The following TBC1D22A variants were observed in gnomAD, a reference collection of about 807,000 sequenced individuals.
The protein encoded by TBC1D22A is TBC1 domain family member 22A.
A neutral mutation model predicts 60.2 loss-of-function variants in TBC1D22A; 38 were observed. The observed-to-expected ratio is 0.63, with a 90% CI of 0.49 to 0.83. The LOEUF (loss-of-function observed/expected upper bound fraction) is 0.83. Ranked by LOEUF, TBC1D22A falls within the 40% of genes least tolerant of loss-of-function variation. The pLI is 0.00. For synonymous variants in TBC1D22A, 302 were observed against 281.7 expected (o/e 1.07, Z -0.72); for missense variants, 628 against 701.0 (o/e 0.90, Z 1.18).
chr22:47,099,441 T>C (rs1395940738), intron 11 of TBC1D22A, among the ~76,000 whole-genome samples: 5 of 149,474 alleles, frequency 3.3e-5, no homozygotes, highest in African/African-American at 1.2e-4. Flanking sequence ...CTTTCTTTTT[T>C]CTTTTGTTGT....
At chr22:47,047,795 C>T (rs541296150) in intron 11 of TBC1D22A, among the ~76,000 whole-genome samples, 5 of 152,226 alleles carry the variant, frequency 3.3e-5, no homozygotes, top group Admixed American at 6.5e-5. Flanking sequence ...GGCAAGGCCT[C>T]GAGGCTGTGC....
At chr22:47,071,217 A>G (rs1380093742) in intron 11 of TBC1D22A, among the ~76,000 whole-genome samples, 4 of 152,250 alleles carry the variant, frequency 2.6e-5, no homozygotes, top group African/African-American at 4.8e-5. Flanking sequence ...ACATGCGCCT[A>G]TCACTGTCAT....
chr22:46,928,285 A>C (rs2071163586), intron 8 of TBC1D22A, among the ~76,000 whole-genome samples: 1 of 152,246 alleles, frequency 6.6e-6, no homozygotes, highest in Admixed American at 6.5e-5. Flanking sequence ...ATTTATGGTC[A>C]ATTGATTTCT....
intron 4 of TBC1D22A, among the ~76,000 whole-genome samples, chr22:46,854,299 C>T (rs138696621): frequency 6.6e-6 from 1 of 152,260 alleles, no homozygotes; most frequent in East Asian, 1.9e-4. Flanking sequence ...GAACTGCTCT[C>T]CAGGATGACA....
chr22:46,860,765 C>G (rs955662433), intron 4 of TBC1D22A, among the ~76,000 whole-genome samples: 1 of 152,176 alleles, frequency 6.6e-6, no homozygotes. Flanking sequence ...CTGAGGAGAT[C>G]CTGCTGCCAG....
chr22:47,033,309 T>A (rs1259823939), intron 10 of TBC1D22A, among the ~76,000 whole-genome samples: 1 of 152,216 alleles, frequency 6.6e-6, no homozygotes, highest in Non-Finnish European at 1.5e-5. Context: ...TTCTGTAAGT[T>A]CTTTGAAAAG....
At chr22:46,816,953 G>T (rs1000312945) in intron 4 of TBC1D22A, among the ~76,000 whole-genome samples, 1 of 152,096 alleles carries the variant, frequency 6.6e-6, no homozygotes, top group Non-Finnish European at 1.5e-5. Context: ...TTCTCTCAGT[G>T]TCCTTTTCAC....
chr22:47,005,637 TACAC>T (rs373781281), intron 10 of TBC1D22A, among the ~76,000 whole-genome samples: 4 of 147,214 alleles, frequency 2.7e-5, no homozygotes, highest in African/African-American at 7.6e-5. Context: ...AACATGCCTG[TACAC>T]ACACACACAC....
chr22:47,091,864 G>A (rs912127784), intron 11 of TBC1D22A, among the ~76,000 whole-genome samples: 7 of 152,316 alleles, frequency 4.6e-5, no homozygotes, highest in East Asian at 1.9e-4. Flanking sequence ...TTAACACACC[G>A]TAGGCTTCAC....
At chr22:47,038,724 G>A (rs1010788096) in intron 11 of TBC1D22A, among the ~76,000 whole-genome samples, 2 of 152,154 alleles carry the variant, frequency 1.3e-5, no homozygotes, top group Non-Finnish European at 2.9e-5. Flanking sequence ...TTTCCTTTGC[G>A]CCGCTTGTCT....
chr22:46,997,777 C>A, intron 10 of TBC1D22A, 68 bp downstream of exon 10: 1 of 1,470,786 alleles, frequency 6.8e-7, no homozygotes, highest in Non-Finnish European at 9.5e-7. Flanking sequence ...CTCGGTGGGA[C>A]AGGGAGCTGT....
chr22:47,072,009 C>T (rs963857580), intron 11 of TBC1D22A, among the ~76,000 whole-genome samples: 2 of 152,114 alleles, frequency 1.3e-5, no homozygotes, highest in Non-Finnish European at 2.9e-5. Context: ...TTGGTCTTTA[C>T]GAGTGTTATT....
At chr22:47,122,779 C>T (rs60532578) in intron 12 of TBC1D22A, among the ~76,000 whole-genome samples, 3,056 of 152,312 alleles carry the variant, frequency 0.02, 109 homozygotes, top group African/African-American at 0.07. Flanking sequence ...AGGCATCCCT[C>T]CTCACCCGTC....
chr22:46,876,285 T>A (rs1427752845), intron 4 of TBC1D22A, among the ~76,000 whole-genome samples: 1 of 152,210 alleles, frequency 6.6e-6, no homozygotes, highest in Non-Finnish European at 1.5e-5. Flanking sequence ...ATAATTTAGA[T>A]AAACTTACTT....
intron 11 of TBC1D22A, among the ~76,000 whole-genome samples, chr22:47,054,405 G>C (rs1227481353): frequency 6.6e-6 from 1 of 152,140 alleles, no homozygotes; most frequent in Non-Finnish European, 1.5e-5. Flanking sequence ...GGTTTTGCCT[G>C]GCCGTTCCTC....
intron 4 of TBC1D22A, among the ~76,000 whole-genome samples, chr22:46,861,177 C>G (rs1455211256): frequency 2.0e-5 from 3 of 152,050 alleles, no homozygotes; most frequent in Non-Finnish European, 4.4e-5. Flanking sequence ...AGGTTGGTCT[C>G]AAACTCCTGG....
intron 9 of TBC1D22A, among the ~76,000 whole-genome samples, chr22:46,974,600 C>A (rs136112): frequency 0.22 from 33,396 of 152,228 alleles, 4,323 homozygotes; most frequent in East Asian, 0.33. Context: ...GTTCTGGGCA[C>A]GGTCACGTGT....
intron 5 of TBC1D22A, among the ~76,000 whole-genome samples, chr22:46,881,004 A>C (rs900942067): frequency 6.6e-6 from 1 of 152,028 alleles, no homozygotes; most frequent in Non-Finnish European, 1.5e-5. Flanking sequence ...AAGTGTTGTT[A>C]GTGTTCTCTC....
At chr22:47,132,033 G>A (rs952802280) in intron 12 of TBC1D22A, among the ~76,000 whole-genome samples, 8 of 152,300 alleles carry the variant, frequency 5.3e-5, no homozygotes, top group African/African-American at 1.9e-4. Context: ...GCATGGCAAG[G>A]GTGCAGTGTG....
Sources: allele counts gnomAD v4.1 joint callset (sites outside exome capture counted in the v4.1 genomes callset), GRCh38; gene constraint gnomAD v4.1.1; transcripts MANE v1.5; gene names NCBI Gene and HGNC (gene_info 2026-07-23, HGNC 2026-07-21).